Variants in FAM124A observed in about 807,000 individuals in gnomAD.
FAM124A encodes protein FAM124A.
Under a neutral mutation model 24.5 loss-of-function variants are expected in FAM124A, and 23 were observed. The observed-to-expected ratio is 0.94, with a 90% CI of 0.68 to 1.33. FAM124A has a LOEUF of 1.33. Ranked by LOEUF, FAM124A falls within the 40% of genes most tolerant of loss-of-function variation. The pLI, the probability that FAM124A is intolerant of heterozygous loss-of-function variation, is 0.00. For synonymous variants in FAM124A, 287 were observed against 314.7 expected (o/e 0.91, Z 0.93); for missense variants, 623 against 722.8 (o/e 0.86, Z 1.58).
chr13:51,275,036 TG>T (rs1227480059), intron 3 of FAM124A, among the ~76,000 whole-genome samples: 1 of 152,162 alleles, frequency 6.6e-6, no homozygotes, highest in Non-Finnish European at 1.5e-5. Flanking sequence ...TCAGGAATCC[TG>T]GTTCACAATG....
At chr13:51,253,264 A>G (rs1246256279) in intron 3 of FAM124A, 1 of 152,220 alleles carries the variant, frequency 6.6e-6, no homozygotes, top group Non-Finnish European at 1.5e-5. Context: ...TAAGCACCAG[A>G]ACTATAATCC....
At chr13:51,242,812 T>C (rs1954513007) in intron 2 of FAM124A, among the ~76,000 whole-genome samples, 1 of 152,088 alleles carries the variant, frequency 6.6e-6, no homozygotes, top group Non-Finnish European at 1.5e-5. Context: ...GGAATATGAA[T>C]TAGACATCCA....
rs767810486 is a variant in FAM124A at position 51,281,073 on chromosome 13, G to T, written c.1458G>T (p.Arg486Ser). The T allele has an allele frequency of 1.9e-6, 3 of 1,614,024 alleles. No homozygotes were observed. Among genetic ancestry groups the T allele is most frequent in the Middle Eastern group, 1.6e-4 (1 of 6,062 alleles). ...CTTCCCTCCCTTTCTTCACCAAAAG[G>T]TCTTCCAGCTCCTCAGCGACAGCTC... ...SWASLPFFTK[R>S]SSSSSATARA... The change falls in exon 4 of 4, where the codon AGG (arginine) becomes AGT (serine). Residue 486 changes from arginine to serine, a missense_variant. By Grantham distance (110) the Arg-to-Ser change is moderately radical. Coordinates refer to ENST00000322475, the MANE Select transcript of FAM124A (RefSeq NM_001242312.2).
At chr13:51,245,424 C>G (rs1307548326) in intron 2 of FAM124A, 5 of 626,654 alleles carry the variant, frequency 8.0e-6, no homozygotes, top group Non-Finnish European at 2.9e-6. Flanking sequence ...CCTCAGGTAG[C>G]CCTTTTCTAT....
In FAM124A at chr13:51,251,608, G is replaced by T; in HGVS notation, c.241G>T (p.Val81Leu). The T allele has an allele frequency of 1.3e-6, 2 of 1,574,948 alleles. No individual in the cohort carries two copies. The highest frequency in any genetic ancestry group is 1.7e-6 in the Non-Finnish European group (2 of 1,158,190). ...WIHPDLPLFRVSERRASRRRR... is the reference protein window; with the variant it reads ...WIHPDLPLFRLSERRASRRRR... Reference sequence around the variant, plus strand: ...CCACCCCGACCTCCCGCTGTTCCGGGTGTCCGAGAGGCGGGCGTCCCGGCG... The same window carrying T: ...CCACCCCGACCTCCCGCTGTTCCGGTTGTCCGAGAGGCGGGCGTCCCGGCG... Residue 81 changes from valine (V) to leucine (L), a missense_variant, in exon 3 of 4, where the codon GTG (valine) becomes TTG (leucine). Coordinates refer to ENST00000322475, the MANE Select transcript of FAM124A (RefSeq NM_001242312.2). The surrounding 1 kb of genome is among the most constrained non-coding windows in gnomAD (Gnocchi z 5.3).
rs756627718 is a variant in FAM124A at position 51,251,048 on chromosome 13, C to T, written c.101-420C>T. Among the ~76,000 whole-genome samples the T allele has an allele frequency of 1.3e-5, 2 of 151,954 alleles. No homozygotes were observed. The highest frequency in any genetic ancestry group is 3.9e-4 in the East Asian group (2 of 5,164). Reference sequence around the variant, plus strand: ...GTAGGGAACATGTATGGGGCAAGGCCCTGCAGCTATTTCAGGAAATACTAA... The same window carrying T: ...GTAGGGAACATGTATGGGGCAAGGCTCTGCAGCTATTTCAGGAAATACTAA... On this transcript the variant is annotated intron_variant, in intron 2 of 3. Transcript: ENST00000322475. The surrounding 1 kb of genome is among the most constrained non-coding windows in gnomAD (Gnocchi z 5.3).
intron 3 of FAM124A, among the ~76,000 whole-genome samples, chr13:51,279,852 G>T (rs929068156): frequency 6.6e-6 from 1 of 152,114 alleles, no homozygotes; most frequent in African/African-American, 2.4e-5. Flanking sequence ...TGCTAACCCC[G>T]ATAGCCCCTC....
chr13:51,264,355 C>T (rs1210041596), intron 3 of FAM124A, among the ~76,000 whole-genome samples: 1 of 152,216 alleles, frequency 6.6e-6, no homozygotes, highest in Non-Finnish European at 1.5e-5. Flanking sequence ...TCACCTTGTA[C>T]ATCCTCGGAA....
At chr13:51,226,651 AGG>A (rs140098065) in intron 1 of FAM124A, among the ~76,000 whole-genome samples, 1 of 152,136 alleles carries the variant, frequency 6.6e-6, no homozygotes, top group East Asian at 1.9e-4. Flanking sequence ...ATTTGGGGTA[AGG>A]GGGTGTGAAC....
intron 2 of FAM124A, among the ~76,000 whole-genome samples, chr13:51,250,545 AC>A (rs1459546057): frequency 5.9e-5 from 9 of 152,212 alleles, no homozygotes; most frequent in African/African-American, 1.7e-4. Flanking sequence ...TAAACAGTCA[AC>A]TTCATGCTTG....
intron 3 of FAM124A, among the ~76,000 whole-genome samples, chr13:51,263,188 G>GA (rs1248370131): frequency 6.6e-6 from 1 of 152,012 alleles, no homozygotes; most frequent in African/African-American, 2.4e-5. Flanking sequence ...GCCCACAGGG[G>GA]CTCCGTCCAT....
chr13:51,276,064 C>T (rs982118793), intron 3 of FAM124A, among the ~76,000 whole-genome samples: 2 of 152,184 alleles, frequency 1.3e-5, no homozygotes, highest in African/African-American at 2.4e-5. Context: ...TAGTTGTAAA[C>T]TGCTGGCGCA....
At chr13:51,260,603 A>G (rs1390474104) in intron 3 of FAM124A, among the ~76,000 whole-genome samples, 2 of 152,184 alleles carry the variant, frequency 1.3e-5, no homozygotes, top group Admixed American at 1.3e-4. Context: ...TCTTATCTCC[A>G]TTTTGCAGAT....
rs1954943880 is a variant in FAM124A at position 51,281,931 on chromosome 13, G to T, written c.*675G>T. ...TTAGCATGAGTAACAGACTCTTGGT[G>T]CATTTAAAATATGTGAGTTCCAGAA... On this transcript the variant is annotated 3_prime_UTR_variant, in exon 4 of 4. Coordinates refer to ENST00000322475, the MANE Select transcript of FAM124A (RefSeq NM_001242312.2). The T allele has an allele frequency of 6.6e-6, 1 of 152,188 alleles. No homozygotes were observed. The highest frequency in any genetic ancestry group is 2.4e-5 in the African/African-American group (1 of 41,442). 9.4% of individuals were successfully genotyped at this position (152,188 alleles called of 1,614,324 possible). A position where few individuals can be genotyped will look rare whatever the true frequency, so the allele number is the denominator to read the frequency against.
rs778187669 is a variant in FAM124A at position 51,252,047 on chromosome 13, G to C, written c.680G>C (p.Cys227Ser). ...CAGTTCTCCCTGAAAAGACTGCCCTGTGACCAGTGCCCGGTGCCCACCGAC... is the reference window on the plus strand; with the variant it reads ...CAGTTCTCCCTGAAAAGACTGCCCTCTGACCAGTGCCCGGTGCCCACCGAC... ...DIQFSLKRLP[C>S]DQCPVPTDSS... The change falls in exon 3 of 4, where the codon TGT becomes TCT. Residue 227 changes from cysteine to serine, a missense_variant. Transcript: ENST00000322475. 4.3e-6 allele frequency: 7 copies of C among 1,613,980 alleles called. No individual in the cohort carries two copies. The highest frequency in any genetic ancestry group is 5.9e-6 in the Non-Finnish European group (7 of 1,180,032).
rs1301762747 is a variant in FAM124A at position 51,280,538 on chromosome 13, C to T, written c.923C>T (p.Thr308Ile). Residue 308 changes from threonine (T) to isoleucine (I), a missense_variant, in exon 4 of 4, where the codon ACT (threonine) becomes ATT (isoleucine). Transcript: ENST00000322475. ...KKRHSTPLPSTAVPSHTPGSS... is the reference protein window; with the variant it reads ...KKRHSTPLPSIAVPSHTPGSS... The stretch of plus-strand genomic sequence containing the variant: ...CGTCATTCCACTCCTTTGCCGAGCA[C>T]TGCTGTACCAAGCCATACACCTGGC... 6.8e-6 allele frequency: 11 copies of T among 1,614,098 alleles called. No homozygotes were observed. Among genetic ancestry groups the T allele is most frequent in the Non-Finnish European group, 9.3e-6 (11 of 1,180,040 alleles).
intron 2 of FAM124A, among the ~76,000 whole-genome samples, chr13:51,250,259 T>C (rs1446381799): frequency 2.0e-5 from 3 of 152,208 alleles, no homozygotes; most frequent in Admixed American, 1.3e-4. Flanking sequence ...TAGAACACAA[T>C]TGACCACATG....
intron 2 of FAM124A, among the ~76,000 whole-genome samples, chr13:51,249,549 A>G (rs939952826): frequency 2.6e-5 from 4 of 152,230 alleles, no homozygotes; most frequent in African/African-American, 9.6e-5. Flanking sequence ...TCTCTTATAC[A>G]TGGCCCTGCA....
At chr13:51,236,080 T>TA (rs1954432350) in intron 2 of FAM124A, among the ~76,000 whole-genome samples, 1 of 152,174 alleles carries the variant, frequency 6.6e-6, no homozygotes. Context: ...ACATCCTCCC[T>TA]ACTGCTTTCC....
Sources: gnomAD v4.1 joint callset for allele counts (sites outside exome capture counted in the v4.1 genomes callset) on GRCh38, gnomAD v4.1.1 for gene constraint, Gnocchi (gnomAD v3.1) non-coding constraint, MANE v1.5 for transcripts, NCBI Gene and HGNC (gene_info 2026-07-23, HGNC 2026-07-21) for gene names.